The following MIR2052HG variants were observed in gnomAD, a reference collection of about 807,000 sequenced individuals.
MIR2052HG encodes the protein MIR2052 host gene.
intron 1 of MIR2052HG, chr8:74,603,132 T>C: frequency 3.0e-6 from 2 of 658,528 alleles, no homozygotes; most frequent in Non-Finnish European, 5.5e-6. Flanking sequence ...TTAAAACACT[T>C]TAAGTAAAAA....
chr8:74,729,382 T>C (rs923933192), intron 4 of MIR2052HG, among the ~76,000 whole-genome samples: 2 of 152,170 alleles, frequency 1.3e-5, no homozygotes, highest in Non-Finnish European at 2.9e-5. Flanking sequence ...TGCACTATTT[T>C]ATGTAACATT....
intron 2 of MIR2052HG, among the ~76,000 whole-genome samples, chr8:74,695,994 G>A (rs1465516305): frequency 2.0e-5 from 3 of 152,032 alleles, no homozygotes; most frequent in Admixed American, 1.3e-4. Flanking sequence ...TTTACAGAAT[G>A]TTCTACTTAA....
intron 2 of MIR2052HG, among the ~76,000 whole-genome samples, chr8:74,690,668 T>TA (rs1178757290): frequency 6.6e-6 from 1 of 151,516 alleles, no homozygotes; most frequent in Non-Finnish European, 1.5e-5. Flanking sequence ...AAAATAAAAA[T>TA]AAAAATAAAA....
At position 74,705,555 on chromosome 8, in the gene MIR2052HG, T is replaced by C. The variant is rs142286700; in HGVS notation, n.371+1873T>C. 848 of 168,710 alleles carry C rather than the reference T, an allele frequency of 5.0e-3. 7 individuals carry two copies. Among genetic ancestry groups the C allele is most frequent in the Non-Finnish European group, 5.2e-3 (357 of 68,084 alleles). The allele number at this position is 168,710 out of a possible 1,614,324, so 10.5% of individuals were successfully genotyped here. ...GACCAAGAGTCTGATCTTTCTATAGTTGGCCTGTGAGATTTGAAAGGGAAA... is the reference window on the plus strand; with the variant it reads ...GACCAAGAGTCTGATCTTTCTATAGCTGGCCTGTGAGATTTGAAAGGGAAA... On this transcript the variant is annotated intron_variant and non_coding_transcript_variant, in intron 4 of 6. Coordinates refer to ENST00000523442, the Ensembl canonical transcript of MIR2052HG.
At chr8:74,612,693 A>G in intron 1 of MIR2052HG, 1 of 332,690 alleles carries the variant, frequency 3.0e-6, no homozygotes, top group Non-Finnish European at 5.9e-6. Flanking sequence ...CTGAATAACT[A>G]AACTACTAGT....
At chr8:74,658,647 A>G (rs1808831802) in intron 2 of MIR2052HG, among the ~76,000 whole-genome samples, 1 of 152,134 alleles carries the variant, frequency 6.6e-6, no homozygotes, top group Non-Finnish European at 1.5e-5. Flanking sequence ...CAGCTTCCCA[A>G]GTGTTGGGAT....
intron 2 of MIR2052HG, among the ~76,000 whole-genome samples, chr8:74,697,279 C>T (rs12548987): frequency 9.2e-5 from 14 of 151,994 alleles, no homozygotes; most frequent in Admixed American, 3.9e-4. Flanking sequence ...ATCCAACATC[C>T]CTTTATGATT....
chr8:74,733,457 A>T (rs1381946990), intron 4 of MIR2052HG, among the ~76,000 whole-genome samples: 3 of 151,526 alleles, frequency 2.0e-5, no homozygotes, highest in Non-Finnish European at 4.4e-5. Context: ...TATATGTGCC[A>T]CATTTTCTTA....
intron 2 of MIR2052HG, among the ~76,000 whole-genome samples, chr8:74,626,175 G>C (rs1808433589): frequency 6.6e-6 from 1 of 152,186 alleles, no homozygotes; most frequent in African/African-American, 2.4e-5. Flanking sequence ...AGAGCAGCAA[G>C]TGCTGGGTTC....
chr8:74,725,789 C>T (rs995284251), intron 4 of MIR2052HG, among the ~76,000 whole-genome samples: 1 of 152,146 alleles, frequency 6.6e-6, no homozygotes, highest in Non-Finnish European at 1.5e-5. Context: ...AGATAATATA[C>T]CTGCCTTTGT....
chr8:74,724,457 G>C (rs895902771), intron 4 of MIR2052HG, among the ~76,000 whole-genome samples: 1 of 152,084 alleles, frequency 6.6e-6, no homozygotes, highest in African/African-American at 2.4e-5. Flanking sequence ...TTAAATGAGA[G>C]AAATTAGGCA....
intron 4 of MIR2052HG, among the ~76,000 whole-genome samples, chr8:74,734,466 G>A (rs1809726794): frequency 6.6e-6 from 1 of 152,150 alleles, no homozygotes; most frequent in South Asian, 2.1e-4. Flanking sequence ...AATGATTTCT[G>A]AGATATCCAA....
chr8:74,720,595 TGAGTG>T (rs1258097217), intron 4 of MIR2052HG, among the ~76,000 whole-genome samples: 2 of 152,332 alleles, frequency 1.3e-5, no homozygotes, highest in African/African-American at 4.8e-5. Context: ...ATCCAATGCT[TGAGTG>T]TTCACTTTTG....
intron 2 of MIR2052HG, among the ~76,000 whole-genome samples, chr8:74,691,853 C>T (rs1809242669): frequency 6.6e-6 from 1 of 152,106 alleles, no homozygotes; most frequent in Non-Finnish European, 1.5e-5. Flanking sequence ...ATATCTCAGC[C>T]AGAATAGTCT....
chr8:74,608,292 T>C (rs953236021), intron 1 of MIR2052HG, among the ~76,000 whole-genome samples: 1 of 151,998 alleles, frequency 6.6e-6, no homozygotes, highest in African/African-American at 2.4e-5. Context: ...TCTAAAGGGC[T>C]AAATAGGAAA....
chr8:74,644,400 A>G (rs572612716), intron 2 of MIR2052HG, among the ~76,000 whole-genome samples: 56 of 152,334 alleles, frequency 3.7e-4, no homozygotes, highest in Non-Finnish European at 7.4e-4. Context: ...TTGTGGCCTG[A>G]GAGCAATAGG....
At chr8:74,677,623 G>A (rs984655607) in intron 2 of MIR2052HG, among the ~76,000 whole-genome samples, 1 of 151,950 alleles carries the variant, frequency 6.6e-6, no homozygotes, top group Non-Finnish European at 1.5e-5. Context: ...ATAAATATAA[G>A]GTACTATGAA....
chr8:74,668,253 A>G (rs1242146272), intron 2 of MIR2052HG, among the ~76,000 whole-genome samples: 1 of 152,224 alleles, frequency 6.6e-6, no homozygotes, highest in East Asian at 1.9e-4. Flanking sequence ...AAAAAAAACA[A>G]TAAGCCTACT....
intron 2 of MIR2052HG, among the ~76,000 whole-genome samples, chr8:74,651,003 A>G (rs938072980): frequency 5.3e-5 from 8 of 152,072 alleles, no homozygotes; most frequent in African/African-American, 1.9e-4. Context: ...ACTCTGTGTC[A>G]TCTCTCATAT....
Sources: allele counts gnomAD v4.1 joint callset (sites outside exome capture counted in the v4.1 genomes callset), GRCh38; gene constraint gnomAD v4.1.1; transcripts MANE v1.5; gene names NCBI Gene and HGNC (gene_info 2026-07-23, HGNC 2026-07-21).